The following NIBAN1 variants were observed in gnomAD, a reference collection of about 807,000 sequenced individuals.
The protein encoded by NIBAN1 is protein Niban 1.
NIBAN1 carries 81 observed loss-of-function variants against 75.1 expected under a neutral mutation model. The ratio of observed to expected loss-of-function variants is 1.08; its 90% CI spans 0.90 to 1.30. The LOEUF (loss-of-function observed/expected upper bound fraction) is 1.30. Among genes scored for constraint, NIBAN1 ranks in the 50% most tolerant of loss-of-function variants. The probability of loss-of-function intolerance (pLI) is 0.00; values close to 1 mark genes in which losing one functional copy is unlikely to be tolerated. For synonymous variants in NIBAN1, 436 were observed against 424.8 expected, an observed-to-expected ratio of 1.03 and a Z score of -0.32; for missense variants, 1,133 against 1,128.1, an observed-to-expected ratio of 1.00 and a Z score of -0.06.
intron 5 of NIBAN1, chr1:184,868,462 T>C (rs1342508911): frequency 1.3e-5 from 2 of 152,236 alleles, no homozygotes; most frequent in Non-Finnish European, 2.9e-5. Flanking sequence ...TTCTCAGCTG[T>C]ACATTTGCAT....
At chr1:184,946,933 C>T (rs918076290) in intron 1 of NIBAN1, among the ~76,000 whole-genome samples, 6 of 151,886 alleles carry the variant, frequency 4.0e-5, no homozygotes, top group African/African-American at 7.3e-5. Flanking sequence ...ATTAGCTGGG[C>T]GTGGTGGTGC....
intron 9 of NIBAN1, among the ~76,000 whole-genome samples, chr1:184,811,383 T>C (rs2102202510): frequency 6.6e-6 from 1 of 152,332 alleles, no homozygotes; most frequent in South Asian, 2.1e-4. Flanking sequence ...GAGTTCCTTC[T>C]GGCTTATACA....
chr1:184,900,466 C>A (rs116203197), intron 1 of NIBAN1, among the ~76,000 whole-genome samples: 26 of 152,264 alleles, frequency 1.7e-4, no homozygotes, highest in African/African-American at 6.3e-4. Context: ...AAGTACAGTA[C>A]GAAAGTCCAG....
chr1:184,943,725 A>T (rs1658153405), intron 1 of NIBAN1, among the ~76,000 whole-genome samples: 1 of 152,112 alleles, frequency 6.6e-6, no homozygotes, highest in Non-Finnish European at 1.5e-5. Context: ...ATAATAATAA[A>T]TAAATAAAAT....
chr1:184,905,486 G>A (rs1201757608), intron 1 of NIBAN1, among the ~76,000 whole-genome samples: 2 of 151,998 alleles, frequency 1.3e-5, no homozygotes, highest in Admixed American at 6.6e-5. Flanking sequence ...CCTCGTCCTA[G>A]TACCACGGGC....
At position 184,794,380 on chromosome 1, in the gene NIBAN1, T is replaced by C. The variant is rs2102172690; in HGVS notation, c.*597A>G. On this transcript the variant is annotated 3_prime_UTR_variant, in exon 14 of 14. Transcript: ENST00000367511. ...TAACAGGCCCAGACAGTCCCACAGATCACACCTTCCACCCTCCATTTCCGC... is the reference window on the plus strand; with the variant it reads ...TAACAGGCCCAGACAGTCCCACAGACCACACCTTCCACCCTCCATTTCCGC... 1 of 158,098 alleles carries C rather than the reference T, an allele frequency of 6.3e-6. No individual in the cohort carries two copies. Among genetic ancestry groups the C allele is most frequent in the East Asian group, 1.9e-4 (1 of 5,364 alleles). 9.8% of individuals were successfully genotyped at this position (158,098 alleles called of 1,614,324 possible). A position where few individuals can be genotyped will look rare whatever the true frequency, so the allele number is the denominator to read the frequency against.
intron 1 of NIBAN1, among the ~76,000 whole-genome samples, chr1:184,952,399 T>C (rs761016926): frequency 6.6e-6 from 1 of 152,036 alleles, no homozygotes; most frequent in African/African-American, 2.4e-5. Context: ...AGACCCTGTC[T>C]CAAAAAAAGA....
chr1:184,804,519 G>C (rs770218168), intron 11 of NIBAN1, among the ~76,000 whole-genome samples: 1 of 152,214 alleles, frequency 6.6e-6, no homozygotes, highest in African/African-American at 2.4e-5. Flanking sequence ...GAGGTAGAAA[G>C]TATCCTGCCA....
rs1037378517 is a variant in NIBAN1 at position 184,965,825 on chromosome 1, G to A, written c.55+8477C>T. On this transcript the variant is annotated intron_variant, in intron 1 of 13. Coordinates refer to ENST00000367511, the MANE Select transcript of NIBAN1 (RefSeq NM_052966.4). ...AACTTAAAATAAAAGTTAAAAAAAA[G>A]GATTGATTCTGAGACTGATCAAGTC... 2.6e-5 allele frequency among the ~76,000 whole-genome samples: 4 copies of A among 152,122 alleles called. No individual in the cohort carries two copies. The East Asian group carries it at 5.8e-4, about 22-fold the overall frequency.
chr1:184,820,510 G>A (rs1292517336), intron 8 of NIBAN1, among the ~76,000 whole-genome samples: 2 of 152,174 alleles, frequency 1.3e-5, no homozygotes, highest in Non-Finnish European at 2.9e-5. Flanking sequence ...CTAATGTCCT[G>A]GAACTCCCAC....
chr1:184,878,106 G>A (rs972290142), intron 5 of NIBAN1, among the ~76,000 whole-genome samples: 2 of 152,116 alleles, frequency 1.3e-5, no homozygotes, highest in Non-Finnish European at 2.9e-5. Flanking sequence ...TGTTTGATGG[G>A]CCAAAAGAAG....
intron 1 of NIBAN1, among the ~76,000 whole-genome samples, chr1:184,929,696 AT>A (rs1657773706): frequency 6.6e-6 from 1 of 152,158 alleles, no homozygotes; most frequent in South Asian, 2.1e-4. Context: ...GTATATTTAA[AT>A]TTAAATTTTG....
rs569991840 is a variant in NIBAN1 at position 184,814,765 on chromosome 1, A to G, written c.1173+3873T>C. Among the ~76,000 whole-genome samples the G allele has an allele frequency of 5.9e-5, 9 of 152,368 alleles. No homozygotes were observed. In the South Asian group the frequency reaches 1.9e-3, roughly 32 times the overall value. The stretch of plus-strand genomic sequence containing the variant: ...TGAAATTGTTTAAATATACAATTTG[A>G]ATGAACTCCATGGTCTAAGTCAAAT... On this transcript the variant is annotated intron_variant, in intron 9 of 13. Coordinates refer to ENST00000367511, the MANE Select transcript of NIBAN1 (RefSeq NM_052966.4).
intron 5 of NIBAN1, among the ~76,000 whole-genome samples, chr1:184,839,562 T>C: frequency 6.6e-6 from 1 of 151,098 alleles, no homozygotes; most frequent in Non-Finnish European, 1.5e-5. Flanking sequence ...TGTGTGTGTG[T>C]GTGCACGCGC....
At chr1:184,820,302 T>TG (rs956855935) in intron 8 of NIBAN1, among the ~76,000 whole-genome samples, 2 of 152,190 alleles carry the variant, frequency 1.3e-5, no homozygotes, top group Non-Finnish European at 2.9e-5. Context: ...CAGATCTGGG[T>TG]GGGGCCAAGA....
Position 184,941,053 on chromosome 1 carries a change from C to T in NIBAN1, c.55+33249G>A, listed in dbSNP as rs150727610. On this transcript the variant is annotated intron_variant, in intron 1 of 13. Coordinates refer to ENST00000367511, the MANE Select transcript of NIBAN1 (RefSeq NM_052966.4). Reference sequence around the variant, plus strand: ...TTATGGGAAAATTTGATATACATTGCATTGACTCTGAACATCACTTAGGAC... The same window carrying T: ...TTATGGGAAAATTTGATATACATTGTATTGACTCTGAACATCACTTAGGAC... Among the ~76,000 whole-genome samples, 249 of 152,280 alleles carry T rather than the reference C, an allele frequency of 1.6e-3. 5 individuals carry two copies. The highest frequency in any genetic ancestry group is 5.6e-3 in the African/African-American group (233 of 41,564).
chr1:184,880,763 A>C (rs948304333), intron 5 of NIBAN1, among the ~76,000 whole-genome samples: 2 of 152,202 alleles, frequency 1.3e-5, no homozygotes, highest in East Asian at 3.8e-4. Flanking sequence ...CGTATTTTGC[A>C]AACTAAAGTT....
rs116129620 is a variant in NIBAN1 at position 184,928,001 on chromosome 1, G to A, written c.56-28692C>T. On this transcript the variant is annotated intron_variant, in intron 1 of 13. Coordinates refer to ENST00000367511, the MANE Select transcript of NIBAN1 (RefSeq NM_052966.4). Reference sequence around the variant, plus strand: ...CTCTGAGTCTCACTCAATGCCCATGGCAAGTACTGCCTGGGTACTGCTGAT... The same window carrying A: ...CTCTGAGTCTCACTCAATGCCCATGACAAGTACTGCCTGGGTACTGCTGAT... Among the ~76,000 whole-genome samples the A allele has an allele frequency of 6.0e-3, 915 of 152,148 alleles. 11 individuals are homozygous for A. Among genetic ancestry groups the A allele is most frequent in the African/African-American group, 0.021 (868 of 41,528 alleles).
intron 1 of NIBAN1, among the ~76,000 whole-genome samples, chr1:184,942,702 A>G (rs1327365947): frequency 1.3e-5 from 2 of 150,478 alleles, no homozygotes; most frequent in African/African-American, 2.5e-5. Context: ...TCAAAAAAAA[A>G]AAAAAAAAAA....
Sources: allele counts gnomAD v4.1 joint callset (sites outside exome capture counted in the v4.1 genomes callset), GRCh38; gene constraint gnomAD v4.1.1; transcripts MANE v1.5; gene names NCBI Gene and HGNC (gene_info 2026-07-23, HGNC 2026-07-21).